The following ZFHX3 variants were observed in gnomAD, a reference collection of about 807,000 sequenced individuals.
ZFHX3 encodes the protein zinc finger homeobox 3.
A neutral mutation model predicts 279.1 loss-of-function variants in ZFHX3; 42 were observed. That is an observed-to-expected ratio of 0.15 (90% CI 0.12 to 0.19). The LOEUF (loss-of-function observed/expected upper bound fraction) is 0.19. Ranked by LOEUF, ZFHX3 falls within the 10% of genes least tolerant of loss-of-function variation. The pLI, the probability that ZFHX3 is intolerant of heterozygous loss-of-function variation, is 1.00. For synonymous variants in ZFHX3, 2,293 were observed against 1,957.8 expected, an observed-to-expected ratio of 1.17 and a Z score of -4.52; for missense variants, 4,981 against 4,754.0, an observed-to-expected ratio of 1.05 and a Z score of -1.40.
intron 4 of ZFHX3, among the ~76,000 whole-genome samples, chr16:73,303,825 T>A (rs1343167529): frequency 1.3e-5 from 2 of 151,784 alleles, no homozygotes; most frequent in Non-Finnish European, 2.9e-5. Flanking sequence ...AGGCCACCGA[T>A]TTGGACTACA....
intron 5 of ZFHX3, among the ~76,000 whole-genome samples, chr16:73,152,870 G>A (rs1023410698): frequency 1.3e-5 from 2 of 151,912 alleles, no homozygotes; most frequent in East Asian, 1.9e-4. Context: ...CAGCTGAGCC[G>A]GGTAATCAAA....
intron 5 of ZFHX3, among the ~76,000 whole-genome samples, chr16:73,224,114 T>C (rs888501646): frequency 1.3e-5 from 2 of 152,212 alleles, no homozygotes; most frequent in Non-Finnish European, 2.9e-5. Context: ...CATGTCACTA[T>C]AAATTTGTCC....
At chr16:73,474,356 C>T (rs2018727894) in intron 2 of ZFHX3, among the ~76,000 whole-genome samples, 1 of 152,132 alleles carries the variant, frequency 6.6e-6, no homozygotes, top group South Asian at 2.1e-4. Flanking sequence ...ACCATATTGG[C>T]CAGGCCGGTC....
chr16:73,327,280 T>C (rs1385747980), intron 3 of ZFHX3, among the ~76,000 whole-genome samples: 1 of 152,226 alleles, frequency 6.6e-6, no homozygotes, highest in Non-Finnish European at 1.5e-5. Flanking sequence ...TGCTGGCTTC[T>C]ACTGCCATGA....
chr16:73,523,572 A>T (rs2019642544), intron 2 of ZFHX3, among the ~76,000 whole-genome samples: 1 of 150,346 alleles, frequency 6.7e-6, no homozygotes, highest in East Asian at 2.0e-4. Context: ...GGCATATTTC[A>T]CTGCAATTTA....
chr16:73,837,925 C>T (rs1015041314), intron 1 of ZFHX3, among the ~76,000 whole-genome samples: 4 of 152,164 alleles, frequency 2.6e-5, no homozygotes, highest in African/African-American at 4.8e-5. Flanking sequence ...TTTGAGCCAC[C>T]GCACCCAGCC....
chr16:72,991,008 G>C (rs1963068931), intron 1 of ZFHX3, among the ~76,000 whole-genome samples: 1 of 151,614 alleles, frequency 6.6e-6, no homozygotes, highest in African/African-American at 2.4e-5. Flanking sequence ...AAAAAAAAGA[G>C]AGAGAAATGG....
chr16:72,947,855 T>C (rs923052305), intron 3 of ZFHX3, among the ~76,000 whole-genome samples: 4 of 152,178 alleles, frequency 2.6e-5, no homozygotes, highest in East Asian at 1.9e-4. Context: ...TGATTATGCA[T>C]GTGCCGGGCT....
intron 2 of ZFHX3, among the ~76,000 whole-genome samples, chr16:73,667,962 A>C (rs2052862178): frequency 6.6e-6 from 1 of 152,184 alleles, no homozygotes; most frequent in South Asian, 2.1e-4. Flanking sequence ...TTGAATTCCT[A>C]CAGCACTTAC....
At position 73,197,924 on chromosome 16, in the gene ZFHX3, G is replaced by GTTTTTTT. The variant is rs71156148; in HGVS notation, c.-1103-54100_-1103-54094dup. Among the ~76,000 whole-genome samples the GTTTTTTT allele has an allele frequency of 3.5e-3, 187 of 53,790 alleles. 24 individuals are homozygous for GTTTTTTT. Among genetic ancestry groups the GTTTTTTT allele is most frequent in the Non-Finnish European group, 3.9e-3 (116 of 29,972 alleles). The allele number at this position is 53,790 out of a possible 152,430, so 35.3% of individuals were successfully genotyped here. A position where few individuals can be genotyped will look rare whatever the true frequency, so the allele number is the denominator to read the frequency against. ...GATAAGTAGAGTATCTGATTTGGTG[G>GTTTTTTT]TTTTTTTTTTTTTTTTTTTTTTTTT... On this transcript the variant is annotated intron_variant, in intron 5 of 17. Coordinates refer to the ZFHX3 transcript ENST00000641206.
At chr16:73,147,109 A>G (rs779533607) in intron 5 of ZFHX3, among the ~76,000 whole-genome samples, 11 of 152,206 alleles carry the variant, frequency 7.2e-5, no homozygotes, top group Admixed American at 2.6e-4. Context: ...CCATTGTAGG[A>G]TAAGCCATGT....
chr16:73,386,522 T>A (rs2016905882), intron 3 of ZFHX3, among the ~76,000 whole-genome samples: 1 of 152,170 alleles, frequency 6.6e-6, no homozygotes, highest in Non-Finnish European at 1.5e-5. Context: ...ATTACGGACA[T>A]AACATTAATA....
chr16:73,857,298 G>A (rs868797427), intron 1 of ZFHX3, among the ~76,000 whole-genome samples: 7 of 152,188 alleles, frequency 4.6e-5, no homozygotes, highest in Admixed American at 1.3e-4. Flanking sequence ...AACCCAAAAT[G>A]TGCTGTATTA....
chr16:72,808,377 AAT>A (rs1013842800), intron 7 of ZFHX3, among the ~76,000 whole-genome samples: 26 of 152,344 alleles, frequency 1.7e-4, no homozygotes, highest in Non-Finnish European at 3.4e-4. Flanking sequence ...CTGAGATAGA[AAT>A]GCATAGTTTG....
intron 2 of ZFHX3, among the ~76,000 whole-genome samples, chr16:73,672,881 T>C (rs2052917968): frequency 6.6e-6 from 1 of 152,184 alleles, no homozygotes; most frequent in Non-Finnish European, 1.5e-5. Flanking sequence ...TTATTTTTAT[T>C]AGATAGATTG....
At chr16:73,161,035 C>T (rs562124550) in intron 5 of ZFHX3, among the ~76,000 whole-genome samples, 159 of 152,184 alleles carry the variant, frequency 1.0e-3, no homozygotes, top group Non-Finnish European at 1.6e-3. Flanking sequence ...TGCAGTGGTA[C>T]CATCTGAGCT....
At chr16:73,838,730 CTG>C (rs549643597) in intron 1 of ZFHX3, among the ~76,000 whole-genome samples, 1 of 151,014 alleles carries the variant, frequency 6.6e-6, no homozygotes, top group Non-Finnish European at 1.5e-5. Context: ...TCAACTGCTA[CTG>C]TGTGTGTGTG....
intron 5 of ZFHX3, among the ~76,000 whole-genome samples, chr16:73,212,967 C>T (rs974842305): frequency 3.9e-5 from 6 of 152,196 alleles, no homozygotes; most frequent in African/African-American, 1.4e-4. Context: ...CGAACAACGT[C>T]AGAAACGCAG....
Position 72,958,721 on chromosome 16 carries a change from CTCCTCCTCCGCCTCTTCCTCCTCCTCT to C in ZFHX3, c.1398_1424del (p.Ala472_Glu480del), listed in dbSNP as rs765283007. 13 of 1,612,534 alleles carry C rather than the reference CTCCTCCTCCGCCTCTTCCTCCTCCTCT, an allele frequency of 8.1e-6. No individual in the cohort carries two copies. Among genetic ancestry groups the C allele is most frequent in the Middle Eastern group, 1.7e-4 (1 of 6,004 alleles). On this transcript the variant is annotated inframe_deletion, in exon 2 of 10. Coordinates refer to ENST00000268489, the MANE Select transcript of ZFHX3 (RefSeq NM_006885.4). ...CTTCTTCCTCCTCCTCTTCTTCCTC[CTCCTCCTCCGCCTCTTCCTCCTCCTCT>C]TCCTCCTCCGCCTCCTCTTCGGCTG...
Sources: gnomAD v4.1 joint callset for allele counts (sites outside exome capture counted in the v4.1 genomes callset) on GRCh38, gnomAD v4.1.1 for gene constraint, MANE v1.5 for transcripts, NCBI Gene and HGNC (gene_info 2026-07-23, HGNC 2026-07-21) for gene names.